The following COL5A2 variants were observed in gnomAD, a reference collection of about 807,000 sequenced individuals.
The protein encoded by COL5A2 is collagen type V alpha 2 chain.
COL5A2 carries 23 observed loss-of-function variants against 208.2 expected under a neutral mutation model. That is an observed-to-expected ratio of 0.11 (90% CI 0.08 to 0.16). The LOEUF (loss-of-function observed/expected upper bound fraction) is 0.16. Ranked by LOEUF, COL5A2 falls within the 10% of genes least tolerant of loss-of-function variation. The pLI is 1.00. For missense variants in COL5A2, 1,590 were observed against 1,956.4 expected (o/e 0.81, Z 3.53); for synonymous variants, 625 against 628.5 (o/e 0.99, Z 0.08).
rs1202811455 is a variant in COL5A2, at chr2:189,143,423, T to C, written c.98-32974A>G. Among the ~76,000 whole-genome samples, 3 of 152,182 alleles carry C rather than the reference T, an allele frequency of 2.0e-5. No individual in the cohort carries two copies. In the East Asian group the frequency reaches 5.8e-4, roughly 29 times the overall value. ...AATGTTATTTCAGACAAAAGGTGTATAAAGGCCTACTCTAACCCTGTAACT... is the reference window on the plus strand; with the variant it reads ...AATGTTATTTCAGACAAAAGGTGTACAAAGGCCTACTCTAACCCTGTAACT... On this transcript the variant is annotated intron_variant, in intron 1 of 53. Transcript: ENST00000374866.
chr2:189,053,766 G>T (rs886916141), intron 37 of COL5A2, 129 bp downstream of exon 37: 2 of 901,194 alleles, frequency 2.2e-6, no homozygotes, highest in African/African-American at 3.4e-5. Flanking sequence ...AAAAGCAAAA[G>T]CTAAAAACCA....
At chr2:189,261,825 A>C in the COL5A2 span, among the ~76,000 whole-genome samples, 1 of 152,204 alleles carries the variant, frequency 6.6e-6, no homozygotes, top group South Asian at 2.1e-4. Context: ...TAGGAAGCAC[A>C]GTAGTGACTG....
At chr2:189,035,573 C>T (rs1685428269) in intron 52 of COL5A2, among the ~76,000 whole-genome samples, 1 of 147,690 alleles carries the variant, frequency 6.8e-6, no homozygotes, top group South Asian at 2.2e-4. Context: ...CATGTGCTAA[C>T]AAAAATAATC....
intron 6 of COL5A2, among the ~76,000 whole-genome samples, chr2:189,094,428 CA>C (rs1408508870): frequency 6.6e-6 from 1 of 151,388 alleles, no homozygotes; most frequent in Non-Finnish European, 1.5e-5. Flanking sequence ...CTTCCATTTC[CA>C]AGATACTCAA....
the COL5A2 span, among the ~76,000 whole-genome samples, chr2:189,337,393 C>G: frequency 2.0e-5 from 3 of 151,534 alleles, no homozygotes; most frequent in Admixed American, 6.6e-5. Context: ...CGTTTTAGCC[C>G]GGATGGTCTC....
At chr2:189,228,389 A>C (rs1201043922), upstream of COL5A2, among the ~76,000 whole-genome samples, 1 of 151,896 alleles carries the variant, frequency 6.6e-6, no homozygotes, top group Admixed American at 6.6e-5. Flanking sequence ...GAAAAAATCA[A>C]CAAAACCAAC....
chr2:189,112,392 T>C (rs1156741400), intron 1 of COL5A2, among the ~76,000 whole-genome samples: 1 of 152,220 alleles, frequency 6.6e-6, no homozygotes, highest in South Asian at 2.1e-4. Context: ...CATATGAAAA[T>C]TATTTTAGTT....
At chr2:189,359,211 T>C in the COL5A2 span, among the ~76,000 whole-genome samples, 2 of 152,196 alleles carry the variant, frequency 1.3e-5, no homozygotes, top group Non-Finnish European at 2.9e-5. Context: ...GGATCTGTCA[T>C]ACAAATATGG....
At chr2:189,229,431 T>TAC (rs201439656), upstream of COL5A2, among the ~76,000 whole-genome samples, 58 of 59,552 alleles carry the variant, frequency 9.7e-4, no homozygotes, top group East Asian at 0.017. Context: ...CACACATACA[T>TAC]ACACACACAC....
chr2:189,187,736 C>T (rs867601811), intron 1 of COL5A2, among the ~76,000 whole-genome samples: 88 of 152,062 alleles, frequency 5.8e-4, no homozygotes, highest in African/African-American at 1.9e-3. Context: ...TTTGGGAGGC[C>T]GAGGCGGGCA....
intron 16 of COL5A2, among the ~76,000 whole-genome samples, chr2:189,077,187 C>T (rs1240403643): frequency 2.0e-5 from 3 of 152,098 alleles, no homozygotes; most frequent in African/African-American, 4.8e-5. Flanking sequence ...AAGATGATAC[C>T]TAAGCCTCTA....
the COL5A2 span, among the ~76,000 whole-genome samples, chr2:189,339,759 G>A: frequency 6.6e-6 from 1 of 152,162 alleles, no homozygotes; most frequent in African/African-American, 2.4e-5. Flanking sequence ...AATCACGACA[G>A]GTGTGGGGTC....
At chr2:189,339,833 G>GC in the COL5A2 span, among the ~76,000 whole-genome samples, 1 of 152,126 alleles carries the variant, frequency 6.6e-6, no homozygotes, top group Non-Finnish European at 1.5e-5. Context: ...TATTTGGGAG[G>GC]CCTGATGGTT....
intron 16 of COL5A2, 136 bp from the exon 17 acceptor site, chr2:189,075,573 CAGTT>C: frequency 1.5e-6 from 1 of 659,252 alleles, no homozygotes; most frequent in Non-Finnish European, 2.8e-6. Flanking sequence ...AACCCTCACT[CAGTT>C]AATAGCAATA....
the COL5A2 span, among the ~76,000 whole-genome samples, chr2:189,237,342 A>C: frequency 3.8e-4 from 57 of 151,552 alleles, no homozygotes; most frequent in Non-Finnish European, 7.5e-4. Context: ...TATTTCACAG[A>C]GTTTACAAAA....
chr2:189,257,308 G>A, the COL5A2 span, among the ~76,000 whole-genome samples: 23 of 152,298 alleles, frequency 1.5e-4, no homozygotes, highest in African/African-American at 5.3e-4. Flanking sequence ...CACTGTGAAA[G>A]TTAAAATTCT....
At chr2:189,423,610 T>C in the COL5A2 span, among the ~76,000 whole-genome samples, 14 of 152,078 alleles carry the variant, frequency 9.2e-5, no homozygotes, top group South Asian at 1.0e-3. Flanking sequence ...TGCCAACAAA[T>C]TGTGTAACAC....
the COL5A2 span, among the ~76,000 whole-genome samples, chr2:189,266,425 CAA>C: frequency 1.5e-5 from 2 of 134,164 alleles, no homozygotes; most frequent in Admixed American, 7.5e-5. Context: ...GACTTCATCT[CAA>C]AAAAAAAAAA....
intron 16 of COL5A2, among the ~76,000 whole-genome samples, chr2:189,077,273 T>C (rs1686427148): frequency 1.3e-5 from 2 of 152,080 alleles, no homozygotes; most frequent in South Asian, 4.2e-4. Flanking sequence ...TTTAAAAAGA[T>C]ATCATACACC....
Sources: allele counts gnomAD v4.1 joint callset (sites outside exome capture counted in the v4.1 genomes callset), GRCh38; gene constraint gnomAD v4.1.1; transcripts MANE v1.5; gene names NCBI Gene and HGNC (gene_info 2026-07-23, HGNC 2026-07-21).